Variants in EIF4E3 observed in about 807,000 individuals in gnomAD.
EIF4E3 encodes eukaryotic translation initiation factor 4E type 3.
In EIF4E3, 26 loss-of-function variants were observed where a neutral mutation model predicts 31.7. The observed-to-expected ratio is 0.82, with a 90% CI of 0.60 to 1.14. The LOEUF is 1.14. EIF4E3 is among the 50% of genes most tolerant of loss of function. The pLI is 0.00. For synonymous variants in EIF4E3, 128 were observed against 107.7 expected, an observed-to-expected ratio of 1.19 and a Z score of -1.17; for missense variants, 304 against 270.9, an observed-to-expected ratio of 1.12 and a Z score of -0.86.
intron 1 of EIF4E3, among the ~76,000 whole-genome samples, chr3:71,749,671 AAAG>A (rs1208721165): frequency 6.6e-6 from 1 of 152,152 alleles, no homozygotes; most frequent in African/African-American, 2.4e-5. Flanking sequence ...TACGTACATC[AAAG>A]AAGTGACATA....
intron 5 of EIF4E3, among the ~76,000 whole-genome samples, chr3:71,692,923 G>T (rs1008936366): frequency 1.2e-4 from 18 of 152,120 alleles, no homozygotes; most frequent in South Asian, 4.1e-4. Flanking sequence ...AATAAAAAGT[G>T]GTGTAAGAAG....
At chr3:71,703,417 G>A (rs763250337) in intron 2 of EIF4E3, among the ~76,000 whole-genome samples, 9 of 152,190 alleles carry the variant, frequency 5.9e-5, no homozygotes, top group East Asian at 1.9e-4. Flanking sequence ...CATGTAGCCC[G>A]TGAAACCCAC....
intron 1 of EIF4E3, among the ~76,000 whole-genome samples, chr3:71,717,741 T>C (rs985134376): frequency 1.3e-5 from 2 of 152,218 alleles, no homozygotes; most frequent in Non-Finnish European, 2.9e-5. Context: ...TTCTGTTCTA[T>C]ATTGCTGTGT....
the EIF4E3 span, among the ~76,000 whole-genome samples, chr3:71,665,646 A>G: frequency 2.0e-5 from 3 of 152,230 alleles, no homozygotes; most frequent in Non-Finnish European, 2.9e-5. Flanking sequence ...TCAATAGAAT[A>G]TACATTCTTC....
the EIF4E3 span, among the ~76,000 whole-genome samples, chr3:71,661,069 T>C: frequency 3.9e-5 from 6 of 152,194 alleles, no homozygotes; most frequent in Non-Finnish European, 7.3e-5. Context: ...TGGTCTCCTC[T>C]TAATTGCCCC....
chr3:71,659,896 G>T, the EIF4E3 span, among the ~76,000 whole-genome samples: 1 of 152,214 alleles, frequency 6.6e-6, no homozygotes, highest in Non-Finnish European at 1.5e-5. Context: ...ACATTACTGG[G>T]AGGAGGCCAA....
At chr3:71,709,413 T>C (rs2049342895) in intron 2 of EIF4E3, among the ~76,000 whole-genome samples, 1 of 152,192 alleles carries the variant, frequency 6.6e-6, no homozygotes, top group African/African-American at 2.4e-5. Context: ...AAGGTCTTGC[T>C]CTGTTGCCCA....
At chr3:71,701,031 G>C (rs1198719035) in intron 2 of EIF4E3, among the ~76,000 whole-genome samples, 1 of 152,104 alleles carries the variant, frequency 6.6e-6, no homozygotes, top group African/African-American at 2.4e-5. Flanking sequence ...GTACAAACGA[G>C]GAAGAGGGCC....
intron 1 of EIF4E3, among the ~76,000 whole-genome samples, chr3:71,743,951 G>A (rs1431195477): frequency 6.6e-6 from 1 of 151,626 alleles, no homozygotes; most frequent in Non-Finnish European, 1.5e-5. Flanking sequence ...ATATTAACAT[G>A]GAACATAAAA....
chr3:71,693,787 C>A, intron 5 of EIF4E3, 88 bp downstream of exon 5: 1 of 1,240,868 alleles, frequency 8.1e-7, no homozygotes, highest in South Asian at 1.7e-5. Context: ...TGTAAAAAGT[C>A]AAACACGTGA....
chr3:71,697,179 C>T (rs545744740), intron 3 of EIF4E3, among the ~76,000 whole-genome samples: 13 of 152,232 alleles, frequency 8.5e-5, no homozygotes, highest in African/African-American at 3.1e-4. Context: ...TCACACCTGG[C>T]TAATTTTTAA....
chr3:71,674,732 T>C (rs4626062), downstream of EIF4E3, among the ~76,000 whole-genome samples: 240 of 152,260 alleles, frequency 1.6e-3, 1 homozygote, highest in Middle Eastern at 0.014. Context: ...CTTCACTGTA[T>C]GGATGAATTG....
chr3:71,753,662 GGCGGCGGCAGCGGCGGCA>G (rs937588323), upstream of EIF4E3: 19 of 148,914 alleles, frequency 1.3e-4, no homozygotes, highest in East Asian at 7.8e-4. Flanking sequence ...CGGCGGCGGC[GGCGGCGGCAGCGGCGGCA>G]GCGGCGGCGG....
intron 1 of EIF4E3, among the ~76,000 whole-genome samples, chr3:71,737,622 C>T (rs75184706): frequency 0.14 from 21,082 of 152,048 alleles, 2,018 homozygotes; most frequent in East Asian, 0.33. Context: ...ACATTTTATA[C>T]AGAGGAACAA....
Position 71,677,762 on chromosome 3 carries a change from T to C in EIF4E3, c.*6920A>G, listed in dbSNP as rs2107990283. 1 of 152,308 alleles carries C rather than the reference T, an allele frequency of 6.6e-6. No homozygotes were observed. The highest frequency in any genetic ancestry group is 2.4e-5 in the African/African-American group (1 of 41,560). 9.4% of individuals were successfully genotyped at this position (152,308 alleles called of 1,614,324 possible). A position where few individuals can be genotyped will look rare whatever the true frequency, so the allele number is the denominator to read the frequency against. ...GGAAGAAGAGTTTGTTGGTACGTTT[T>C]GTTTGTTTTTAAAGGAATATATTAG... is the stretch of plus-strand genomic sequence containing the variant. On this transcript the variant is annotated 3_prime_UTR_variant, in exon 7 of 7. Coordinates refer to ENST00000425534, the MANE Select transcript of EIF4E3 (RefSeq NM_001134651.2).
At chr3:71,661,736 C>G in the EIF4E3 span, among the ~76,000 whole-genome samples, 1 of 152,170 alleles carries the variant, frequency 6.6e-6, no homozygotes, top group African/African-American at 2.4e-5. Flanking sequence ...GATCTTAGTT[C>G]CAGCACTTTT....
At chr3:71,667,955 A>C in the EIF4E3 span, among the ~76,000 whole-genome samples, 1 of 152,308 alleles carries the variant, frequency 6.6e-6, no homozygotes, top group East Asian at 1.9e-4. Context: ...AGACAATCCT[A>C]AACAAAAAGA....
chr3:71,691,492 C>A (rs529063631), intron 5 of EIF4E3, among the ~76,000 whole-genome samples: 2 of 152,122 alleles, frequency 1.3e-5, no homozygotes, highest in Admixed American at 6.5e-5. Flanking sequence ...AGTCCACTTA[C>A]GTAAATACTC....
chr3:71,723,971 G>T (rs946648466), intron 1 of EIF4E3, among the ~76,000 whole-genome samples: 12 of 151,784 alleles, frequency 7.9e-5, no homozygotes, highest in Non-Finnish European at 1.6e-4. Flanking sequence ...AAAAAGAAAT[G>T]AGCTTGTCTT....
Sources: allele counts gnomAD v4.1 joint callset (sites outside exome capture counted in the v4.1 genomes callset), GRCh38; gene constraint gnomAD v4.1.1; transcripts MANE v1.5; gene names NCBI Gene and HGNC (gene_info 2026-07-23, HGNC 2026-07-21).